MAP3K13: variants seen among roughly 807,000 people sequenced by gnomAD.
The protein encoded by MAP3K13 is leucine zipper-bearing kinase.
MAP3K13 carries 52 observed loss-of-function variants against 104.0 expected under a neutral mutation model. The ratio of observed to expected loss-of-function variants is 0.50; its 90% CI spans 0.40 to 0.63. The LOEUF (loss-of-function observed/expected upper bound fraction) is 0.63. Among genes scored for constraint, MAP3K13 ranks in the 20% least tolerant of loss-of-function variants. The pLI, the probability that MAP3K13 is intolerant of heterozygous loss-of-function variation, is 0.00. For missense variants in MAP3K13, 914 were observed against 1,218.5 expected, an observed-to-expected ratio of 0.75 and a Z score of 3.72; for synonymous variants, 394 against 442.2, an observed-to-expected ratio of 0.89 and a Z score of 1.37.
At chr3:185,328,484 A>C (rs1357000551) in intron 2 of MAP3K13, 1 of 152,182 alleles carries the variant, frequency 6.6e-6, no homozygotes, top group Non-Finnish European at 1.5e-5. Flanking sequence ...TCTTGACCTC[A>C]GGTGATCCGC....
At chr3:185,378,004 GGT>G (rs1000997141) in intron 1 of MAP3K13, among the ~76,000 whole-genome samples, 35 of 152,118 alleles carry the variant, frequency 2.3e-4, no homozygotes, top group Non-Finnish European at 4.3e-4. Context: ...AAGCTCCTGG[GGT>G]GGGGGGAGGT....
At chr3:185,434,416 T>G (rs992593783) in intron 2 of MAP3K13, among the ~76,000 whole-genome samples, 1 of 152,208 alleles carries the variant, frequency 6.6e-6, no homozygotes, top group Admixed American at 6.5e-5. Context: ...GTTCATACCT[T>G]GCTATTGTGA....
At chr3:185,464,975 G>A (rs899843212) in intron 8 of MAP3K13, among the ~76,000 whole-genome samples, 2 of 151,906 alleles carry the variant, frequency 1.3e-5, no homozygotes, top group African/African-American at 2.4e-5. Context: ...ACCTCCTAAA[G>A]ACCCCACCTA....
In MAP3K13 at chr3:185,390,068, A is replaced by G. The variant is rs140904746; in HGVS notation, c.-86+26700A>G. Among the ~76,000 whole-genome samples, 491 of 152,294 alleles carry G rather than the reference A, an allele frequency of 3.2e-3. 4 individuals carry two copies. The highest frequency in any genetic ancestry group is 5.5e-3 in the Non-Finnish European group (372 of 68,038). On this transcript the variant is annotated intron_variant, in intron 1 of 13. Coordinates refer to ENST00000265026, the MANE Select transcript of MAP3K13 (RefSeq NM_004721.5). ...GGGATCTCCACTGTCTACTTGTGAG[A>G]GAATGTGATAAACAGGAAAATAATA...
At chr3:185,456,596 CTTTTTTTTTTT>C (rs35547697) in intron 7 of MAP3K13, among the ~76,000 whole-genome samples, 2 of 108,008 alleles carry the variant, frequency 1.9e-5, no homozygotes, top group South Asian at 3.2e-4. Context: ...TTTGCTTCTC[CTTTTTTTTTTT>C]TTTTTTTTTT....
intron 1 of MAP3K13, among the ~76,000 whole-genome samples, chr3:185,377,565 A>G (rs1724494201): frequency 6.6e-6 from 1 of 152,244 alleles, no homozygotes; most frequent in African/African-American, 2.4e-5. Context: ...AGTGCATAAA[A>G]GAATGTTGTC....
chr3:185,352,099 A>G (rs572020568), intron 2 of MAP3K13, among the ~76,000 whole-genome samples: 6 of 152,282 alleles, frequency 3.9e-5, no homozygotes, highest in African/African-American at 9.6e-5. Context: ...TACAGCCAGG[A>G]AAGTACAGAA....
At chr3:185,297,450 A>T (rs900070290) in intron 2 of MAP3K13, among the ~76,000 whole-genome samples, 1 of 152,072 alleles carries the variant, frequency 6.6e-6, no homozygotes, top group Non-Finnish European at 1.5e-5. Context: ...GAAATAGGTT[A>T]TTGGCTGGGC....
At chr3:185,440,303 C>T (rs1405028436) in intron 3 of MAP3K13, among the ~76,000 whole-genome samples, 5 of 152,130 alleles carry the variant, frequency 3.3e-5, no homozygotes, top group Admixed American at 3.3e-4. Context: ...CCTCGTTCGT[C>T]AGTCAAGAGA....
At chr3:185,383,489 G>A (rs1289186743) in intron 1 of MAP3K13, among the ~76,000 whole-genome samples, 2 of 151,550 alleles carry the variant, frequency 1.3e-5, no homozygotes, top group Non-Finnish European at 1.5e-5. Flanking sequence ...GTGAACCCGG[G>A]AGGCGGAGCT....
At chr3:185,454,922 T>G (rs1398573343) in intron 7 of MAP3K13, among the ~76,000 whole-genome samples, 2 of 86,196 alleles carry the variant, frequency 2.3e-5, no homozygotes, top group African/African-American at 7.9e-5. Flanking sequence ...ATATATGAGA[T>G]ATATATATGA....
At chr3:185,377,160 C>T (rs917119153) in intron 1 of MAP3K13, among the ~76,000 whole-genome samples, 5 of 152,094 alleles carry the variant, frequency 3.3e-5, no homozygotes, top group African/African-American at 1.2e-4. Context: ...ACCTGCAAGT[C>T]GTGTCCGGTT....
chr3:185,399,626 C>CGGGGCGGG (rs1452317066), intron 1 of MAP3K13, among the ~76,000 whole-genome samples: 15 of 310 alleles, frequency 0.048, 4 homozygotes, highest in South Asian at 0.1. Context: ...GAGAGAAAGG[C>CGGGGCGGG]GGGGGGGGGG....
chr3:185,426,120 G>A (rs571158149), intron 1 of MAP3K13, among the ~76,000 whole-genome samples: 28 of 152,050 alleles, frequency 1.8e-4, no homozygotes, highest in Non-Finnish European at 2.1e-4. Context: ...TCACGCTGTC[G>A]CCCAGGCTAG....
At chr3:185,333,377 A>G (rs1331616678) in intron 2 of MAP3K13, among the ~76,000 whole-genome samples, 2 of 152,238 alleles carry the variant, frequency 1.3e-5, no homozygotes, top group East Asian at 1.9e-4. Flanking sequence ...TAGGGCTAGT[A>G]TGATAAGGCA....
chr3:185,305,879 G>C (rs987175489), intron 2 of MAP3K13, among the ~76,000 whole-genome samples: 2 of 152,204 alleles, frequency 1.3e-5, no homozygotes, highest in African/African-American at 4.8e-5. Flanking sequence ...CACCCAGGTA[G>C]TGAGCATAGT....
intron 2 of MAP3K13, among the ~76,000 whole-genome samples, chr3:185,289,836 A>G (rs1444967793): frequency 6.6e-6 from 1 of 152,202 alleles, no homozygotes; most frequent in Middle Eastern, 3.2e-3. Flanking sequence ...TGAATTTTAG[A>G]AAGATCTCTT....
intron 8 of MAP3K13, 55 bp from the exon 9 acceptor site, chr3:185,465,692 G>A: frequency 1.7e-6 from 2 of 1,179,606 alleles, no homozygotes; most frequent in Middle Eastern, 1.9e-4. Flanking sequence ...TCATCAAGCG[G>A]ACTTTTTTCT....
intron 10 of MAP3K13, 46 bp downstream of exon 10, chr3:185,467,009 C>A (rs1258218637): frequency 6.2e-7 from 1 of 1,610,330 alleles, no homozygotes; most frequent in Non-Finnish European, 8.5e-7. Flanking sequence ...TAGGGAAAGA[C>A]CCACCCACAA....
Sources: allele counts gnomAD v4.1 joint callset (sites outside exome capture counted in the v4.1 genomes callset), GRCh38; gene constraint gnomAD v4.1.1; transcripts MANE v1.5; gene names NCBI Gene and HGNC (gene_info 2026-07-23, HGNC 2026-07-21).